Variants in CEP68 observed in about 807,000 individuals in gnomAD.
The protein encoded by CEP68 is centrosomal protein 68.
A neutral mutation model predicts 55.3 loss-of-function variants in CEP68; 26 were observed. The ratio of observed to expected loss-of-function variants is 0.47; its 90% CI spans 0.34 to 0.65. The LOEUF is 0.65. Among genes scored for constraint, CEP68 ranks in the 30% least tolerant of loss-of-function variants. CEP68 has a pLI of 0.01. For missense variants in CEP68, 957 were observed against 946.7 expected (o/e 1.01, Z -0.14); for synonymous variants, 402 against 383.2 (o/e 1.05, Z -0.57).
At chr2:65,070,105 A>G (rs1676391125) in intron 2 of CEP68, among the ~76,000 whole-genome samples, 1 of 152,130 alleles carries the variant, frequency 6.6e-6, no homozygotes, top group South Asian at 2.1e-4. Context: ...TGGCAAGGAG[A>G]GCCCTGCCGT....
In CEP68 at chr2:65,077,823, A is replaced by G. The variant is rs777730454; in HGVS notation, c.2008-45A>G. ...CTTTTCAAATAACGTTTACAAAACA[A>G]TAGTAACGAAGCTTCTGCCTTTTCT... On this transcript the variant is annotated intron_variant, in intron 4 of 6. Transcript: ENST00000377990. 4 of 1,434,184 alleles carry G rather than the reference A, an allele frequency of 2.8e-6. No individual in the cohort carries two copies. The South Asian group carries it at 3.5e-5, about 13-fold the overall frequency. 88.8% of individuals were successfully genotyped at this position (1,434,184 alleles called of 1,614,324 possible). A position where few individuals can be genotyped will look rare whatever the true frequency, so the allele number is the denominator to read the frequency against.
intron 6 of CEP68, 32 bp downstream of exon 6, chr2:65,082,741 C>T: frequency 6.6e-7 from 1 of 1,507,172 alleles, no homozygotes; most frequent in Non-Finnish European, 8.8e-7. Flanking sequence ...GAAAATTTGC[C>T]CACCAACCCT....
chr2:65,075,086 C>T (rs934264947), intron 4 of CEP68: 1 of 153,038 alleles, frequency 6.5e-6, no homozygotes, highest in Non-Finnish European at 1.5e-5. Context: ...ATTGTACTGA[C>T]TCCAGAATCT....
intron 1 of CEP68, among the ~76,000 whole-genome samples, chr2:65,060,487 T>C (rs1022766082): frequency 3.3e-5 from 5 of 152,124 alleles, no homozygotes; most frequent in African/African-American, 1.2e-4. Context: ...CCCAGCATTT[T>C]GGGAGGCCAA....
chr2:65,063,967 A>G (rs1332052114), intron 1 of CEP68, among the ~76,000 whole-genome samples: 1 of 152,200 alleles, frequency 6.6e-6, no homozygotes, highest in Non-Finnish European at 1.5e-5. Flanking sequence ...GGTTCTCATA[A>G]TAAACTTGTA....
At chr2:65,073,449 G>A in intron 3 of CEP68, 1 of 252,458 alleles carries the variant, frequency 4.0e-6, no homozygotes, top group East Asian at 1.0e-4. Flanking sequence ...GGCATTGGAT[G>A]TACTGTTGCC....
In CEP68 at chr2:65,072,561, C is replaced by T; in HGVS notation, c.1465C>T (p.Leu489=). 1 of 1,614,106 alleles carries T rather than the reference C, an allele frequency of 6.2e-7. No individual in the cohort carries two copies. The highest frequency in any genetic ancestry group is 2.2e-5 in the East Asian group (1 of 44,880). ...CGAGTATCTTGCCCTCCCCGCTCGG[C>T]TGACACAGGTTTCTAGCCTGGTTTC... ...DDEYLALPAR[L]TQVSSLVSYL... Residue 489 remains leucine, a synonymous_variant, in exon 3 of 7, where the codon CTG becomes TTG. Transcript: ENST00000377990.
chr2:65,074,276 C>T lies in CEP68; in HGVS notation c.1885-6C>T, dbSNP rs569855265. 6 of 1,614,042 alleles carry T rather than the reference C, an allele frequency of 3.7e-6. No homozygotes were observed. The highest frequency in any genetic ancestry group is 1.7e-5 in the Admixed American group (1 of 60,020). On this transcript the variant is annotated splice_polypyrimidine_tract_variant and splice_region_variant and intron_variant, in intron 3 of 6. Transcript: ENST00000377990. ...ACACCATGTGTCCTTTTATTTGTCT[C>T]TGCAGACATTTTGCTGTCAGCTGGA...
intron 1 of CEP68, among the ~76,000 whole-genome samples, chr2:65,060,915 G>C (rs28377817): frequency 0.054 from 8,238 of 151,984 alleles, 742 homozygotes; most frequent in African/African-American, 0.19. Flanking sequence ...AGTGGCTCAC[G>C]CCTGTAATCC....
intron 1 of CEP68, among the ~76,000 whole-genome samples, chr2:65,062,327 A>C (rs2103748248): frequency 6.6e-6 from 1 of 152,316 alleles, no homozygotes; most frequent in Non-Finnish European, 1.5e-5. Flanking sequence ...TGAGGCCGGG[A>C]GTTCGAGAGC....
At chr2:65,057,728 C>G (rs541087825) in intron 1 of CEP68, among the ~76,000 whole-genome samples, 1 of 152,192 alleles carries the variant, frequency 6.6e-6, no homozygotes, top group African/African-American at 2.4e-5. Context: ...TATTTAACTT[C>G]TTGAGCGAGT....
Position 65,072,139 on chromosome 2 carries a change from A to C in CEP68, c.1043A>C (p.Lys348Thr). 1.9e-6 allele frequency: 3 copies of C among 1,613,936 alleles called. No individual in the cohort carries two copies. Residue 348 changes from lysine to threonine, a missense_variant, in exon 3 of 7, where the codon AAA becomes ACA. Coordinates refer to ENST00000377990, the MANE Select transcript of CEP68 (RefSeq NM_015147.3). ...TCTGTCTCTCCAGCAAGCACCCTCA[A>C]ATCACCTACTAATGTCTCCCCCAAC... ...SFSVSPASTL[K>T]SPTNVSPNCP...
At chr2:65,068,414 C>T (rs543948586) in intron 1 of CEP68, among the ~76,000 whole-genome samples, 2 of 152,182 alleles carry the variant, frequency 1.3e-5, no homozygotes, top group Non-Finnish European at 2.9e-5. Flanking sequence ...CTGATTGGCT[C>T]TTGCTCTCAT....
At chr2:65,061,690 C>A (rs1047090629) in intron 1 of CEP68, among the ~76,000 whole-genome samples, 1 of 152,366 alleles carries the variant, frequency 6.6e-6, no homozygotes, top group African/African-American at 2.4e-5. Flanking sequence ...GGTGGAGCAG[C>A]AGTTGCTCTT....
rs527765164 is a variant in CEP68, at chr2:65,072,891, C to A, written c.1795C>A (p.Arg599=). 2.5e-6 allele frequency: 4 copies of A among 1,614,038 alleles called. No individual in the cohort carries two copies. In the African/African-American group the frequency reaches 4.0e-5, roughly 16 times the overall value. ...TRPSLPARLD[R]WPFSDPDVEG... Reference sequence around the variant, plus strand: ...CCCCTCCTTGCCAGCTAGGTTGGACCGGTGGCCATTCTCAGACCCAGATGT... The same window carrying A: ...CCCCTCCTTGCCAGCTAGGTTGGACAGGTGGCCATTCTCAGACCCAGATGT... Residue 599 remains arginine (R), a synonymous_variant, in exon 3 of 7, where the codon CGG becomes AGG. Transcript: ENST00000377990.
chr2:65,074,093 G>A, intron 3 of CEP68, 189 bp from the exon 4 acceptor site: 1 of 592,188 alleles, frequency 1.7e-6, no homozygotes, highest in Non-Finnish European at 2.9e-6. Context: ...TGTCACACCA[G>A]GCTGTGGTTT....
At chr2:65,080,903 A>G (rs142117096) in intron 5 of CEP68, among the ~76,000 whole-genome samples, 293 of 152,130 alleles carry the variant, frequency 1.9e-3, no homozygotes, top group African/African-American at 5.2e-3. Context: ...AAGACTGGGC[A>G]AAGGTCTAAT....
At chr2:65,069,997 G>C (rs754224846) in intron 2 of CEP68, among the ~76,000 whole-genome samples, 196 bp downstream of exon 2, 1 of 152,172 alleles carries the variant, frequency 6.6e-6, no homozygotes, top group Non-Finnish European at 1.5e-5. Flanking sequence ...GACTGTCCAC[G>C]GTTATCTCCT....
intron 1 of CEP68, among the ~76,000 whole-genome samples, chr2:65,063,950 C>T (rs1425547884): frequency 6.6e-6 from 1 of 152,128 alleles, no homozygotes; most frequent in African/African-American, 2.4e-5. Context: ...TCACATGTGT[C>T]TGTCTTGGTT....
Sources: gnomAD v4.1 joint callset for allele counts (sites outside exome capture counted in the v4.1 genomes callset) on GRCh38, gnomAD v4.1.1 for gene constraint, MANE v1.5 for transcripts, NCBI Gene and HGNC (gene_info 2026-07-23, HGNC 2026-07-21) for gene names.